The following LRRC55 variants were observed in gnomAD, a reference collection of about 807,000 sequenced individuals.
The protein encoded by LRRC55 is leucine rich repeat containing 55, also known as leucine-rich repeat-containing protein 55.
Under a neutral mutation model 20.5 loss-of-function variants are expected in LRRC55, and 11 were observed. That is an observed-to-expected ratio of 0.54 (90% CI 0.34 to 0.89). LRRC55 has a LOEUF of 0.89. LRRC55 is among the 40% of genes least tolerant of loss of function. The pLI, the probability that LRRC55 is intolerant of heterozygous loss-of-function variation, is 0.02. For missense variants in LRRC55, 358 were observed against 390.9 expected (o/e 0.92, Z 0.71); for synonymous variants, 188 against 166.6 (o/e 1.13, Z -0.99).
In LRRC55 at chr11:57,188,292, A is replaced by G. The variant is rs1454930591; in HGVS notation, c.*812A>G. ...AGGAGGCCCAGCAACTGGGGCAGCAAGAGTCCTGGCACCTTGGGATCCTAA... is the reference window on the plus strand; with the variant it reads ...AGGAGGCCCAGCAACTGGGGCAGCAGGAGTCCTGGCACCTTGGGATCCTAA... On this transcript the variant is annotated 3_prime_UTR_variant, in exon 2 of 2. Coordinates refer to ENST00000497933, the MANE Select transcript of LRRC55 (RefSeq NM_001005210.4). 3.3e-5 allele frequency: 5 copies of G among 152,700 alleles called. No homozygotes were observed. Among genetic ancestry groups the G allele is most frequent in the African/African-American group, 1.2e-4 (5 of 41,450 alleles). 9.5% of individuals were successfully genotyped at this position (152,700 alleles called of 1,614,324 possible). A position where few individuals can be genotyped will look rare whatever the true frequency, so the allele number is the denominator to read the frequency against.
At chr11:57,183,987 A>G (rs1854397110) in intron 1 of LRRC55, among the ~76,000 whole-genome samples, 2 of 152,230 alleles carry the variant, frequency 1.3e-5, no homozygotes, top group African/African-American at 4.8e-5. Context: ...CCAGAACCTG[A>G]GCTCAGCCCA....
rs1854503421 is a variant in LRRC55, at chr11:57,191,056, A to G, written c.*3576A>G. On this transcript the variant is annotated 3_prime_UTR_variant, in exon 2 of 2. Coordinates refer to ENST00000497933, the MANE Select transcript of LRRC55 (RefSeq NM_001005210.4). ...AGTTTGGTCAAGATTTGGGCCAAGA[A>G]AATTCCTTTTTAGAAGAGCCCTCAT... is the stretch of plus-strand genomic sequence containing the variant. The G allele has an allele frequency of 1.3e-5, 2 of 152,204 alleles. No individual in the cohort carries two copies. The highest frequency in any genetic ancestry group is 2.9e-5 in the Non-Finnish European group (2 of 68,032). 9.4% of individuals were successfully genotyped at this position (152,204 alleles called of 1,614,324 possible).
chr11:57,185,284 T>C (rs1278098177), intron 1 of LRRC55, among the ~76,000 whole-genome samples: 1 of 128,262 alleles, frequency 7.8e-6, no homozygotes, highest in African/African-American at 3.0e-5. Context: ...TTTTTTTTTT[T>C]TTTTTTTTTT....
chr11:57,190,682 C>G lies in LRRC55; in HGVS notation c.*3202C>G, dbSNP rs1361570830. 6.6e-6 allele frequency: 1 copy of G among 152,206 alleles called. No individual in the cohort carries two copies. Among genetic ancestry groups the G allele is most frequent in the Non-Finnish European group, 1.5e-5 (1 of 68,042 alleles). The allele number at this position is 152,206 out of a possible 1,614,324, so 9.4% of individuals were successfully genotyped here. A position where few individuals can be genotyped will look rare whatever the true frequency, so the allele number is the denominator to read the frequency against. ...GGGTTCAGTTCTCTGACATAGTCCA[C>G]TCAGCCATAGGCTGAGTGGCTAAAT... is the stretch of plus-strand genomic sequence containing the variant. On this transcript the variant is annotated 3_prime_UTR_variant, in exon 2 of 2. Coordinates refer to ENST00000497933, the MANE Select transcript of LRRC55 (RefSeq NM_001005210.4).
intron 1 of LRRC55, among the ~76,000 whole-genome samples, chr11:57,185,270 C>CTTTTTT (rs58800728): frequency 2.6e-3 from 231 of 89,386 alleles, no homozygotes; most frequent in East Asian, 3.7e-3. Context: ...CTTTTCTTTT[C>CTTTTTT]TTTTTTTTTT....
rs907780471 is a variant in LRRC55, at chr11:57,188,687, T to G, written c.*1207T>G. ...ACATGCCACTATGAGCAAGATAAAG[T>G]CTGTGCTCTTTCTACTGCCCCATCC... On this transcript the variant is annotated 3_prime_UTR_variant, in exon 2 of 2. Coordinates refer to ENST00000497933, the MANE Select transcript of LRRC55 (RefSeq NM_001005210.4). 3.9e-5 allele frequency: 6 copies of G among 152,118 alleles called. No individual in the cohort carries two copies. The highest frequency in any genetic ancestry group is 8.8e-5 in the Non-Finnish European group (6 of 68,040). 9.4% of individuals were successfully genotyped at this position (152,118 alleles called of 1,614,324 possible).
Position 57,187,526 on chromosome 11 carries a change from T to TGGCCACCAGACGCC in LRRC55, c.*47_*60dup, listed in dbSNP as rs1264172333. 1 of 1,547,766 alleles carries TGGCCACCAGACGCC rather than the reference T, an allele frequency of 6.5e-7. No individual in the cohort carries two copies. Among genetic ancestry groups the TGGCCACCAGACGCC allele is most frequent in the Non-Finnish European group, 8.8e-7 (1 of 1,132,580 alleles). On this transcript the variant is annotated 3_prime_UTR_variant, in exon 2 of 2. Coordinates refer to ENST00000497933, the MANE Select transcript of LRRC55 (RefSeq NM_001005210.4). ...CCATGCTGCTGACCGCCACAGCTGC[T>TGGCCACCAGACGCC]GGCCACCAGACGCCCTCCCTGACTG...
chr11:57,184,906 A>G (rs1193824427), intron 1 of LRRC55, among the ~76,000 whole-genome samples: 2 of 152,044 alleles, frequency 1.3e-5, no homozygotes, highest in Admixed American at 6.5e-5. Flanking sequence ...CATCTACCTA[A>G]TAGACTTTAG....
At chr11:57,184,547 C>T (rs1483626313) in intron 1 of LRRC55, among the ~76,000 whole-genome samples, 6 of 152,350 alleles carry the variant, frequency 3.9e-5, no homozygotes, top group South Asian at 2.1e-4. Context: ...CCAGGCCACA[C>T]GCACCAGGGT....
Position 57,190,259 on chromosome 11 carries a change from A to G in LRRC55, c.*2779A>G, listed in dbSNP as rs892381977. ...GACACCAAATGCCCCCTTGACATCA[A>G]TGTCCTTTCTAGTGGGACAATTTGG... is the stretch of plus-strand genomic sequence containing the variant. On this transcript the variant is annotated 3_prime_UTR_variant, in exon 2 of 2. Transcript: ENST00000497933. 3.5e-4 allele frequency: 54 copies of G among 152,214 alleles called. No homozygotes were observed. Among genetic ancestry groups the G allele is most frequent in the African/African-American group, 1.2e-3 (50 of 41,442 alleles). The allele number at this position is 152,214 out of a possible 1,614,324, so 9.4% of individuals were successfully genotyped here.
Position 57,181,979 on chromosome 11 carries a change from T to A in LRRC55, c.-44T>A. The A allele has an allele frequency of 1.9e-6, 3 of 1,614,028 alleles. No homozygotes were observed. Among genetic ancestry groups the A allele is most frequent in the Non-Finnish European group, 2.5e-6 (3 of 1,179,980 alleles). On this transcript the variant is annotated 5_prime_UTR_variant, in exon 1 of 2. Coordinates refer to ENST00000497933, the MANE Select transcript of LRRC55 (RefSeq NM_001005210.4). ...CAGACTCTCGATTCCATGGACACAG[T>A]CCTCATGGGCTCCCTCCAGCACTGC...
chr11:57,187,234 C>G lies in LRRC55; in HGVS notation c.662-11C>G. On this transcript the variant is annotated splice_polypyrimidine_tract_variant and intron_variant, in intron 1 of 1. Transcript: ENST00000497933. Reference sequence around the variant, plus strand: ...CTGGGTACCTCACCCTCCCTGGCTTCTGTGTTACAGATTCTCAGCTGGCTG... The same window carrying G: ...CTGGGTACCTCACCCTCCCTGGCTTGTGTGTTACAGATTCTCAGCTGGCTG... 1 of 1,612,034 alleles carries G rather than the reference C, an allele frequency of 6.2e-7. No homozygotes were observed. The highest frequency in any genetic ancestry group is 8.5e-7 in the Non-Finnish European group (1 of 1,179,628).
rs1431968195 is a variant in LRRC55 at position 57,189,998 on chromosome 11, T to C, written c.*2518T>C. The C allele has an allele frequency of 6.6e-6, 1 of 152,190 alleles. No homozygotes were observed. Among genetic ancestry groups the C allele is most frequent in the Non-Finnish European group, 1.5e-5 (1 of 68,060 alleles). 9.4% of individuals were successfully genotyped at this position (152,190 alleles called of 1,614,324 possible). A position where few individuals can be genotyped will look rare whatever the true frequency, so the allele number is the denominator to read the frequency against. ...CATCCGAAGCAGAACTGTGCCCTGC[T>C]CTCTCCTTCTGTGATGACCAAGGAT... On this transcript the variant is annotated 3_prime_UTR_variant, in exon 2 of 2. Transcript: ENST00000497933.
chr11:57,183,806 C>T (rs1031989247), intron 1 of LRRC55, among the ~76,000 whole-genome samples: 2 of 152,188 alleles, frequency 1.3e-5, no homozygotes, highest in Non-Finnish European at 2.9e-5. Flanking sequence ...CCTGAAGAAG[C>T]CCAAATCACA....
Position 57,190,379 on chromosome 11 carries a change from A to G in LRRC55, c.*2899A>G, listed in dbSNP as rs1409531675. ...TAGAAGTTCCTCAGTTTACTAGAGC[A>G]CAATGAGGAAAGTATTCAACCTCCC... On this transcript the variant is annotated 3_prime_UTR_variant, in exon 2 of 2. Coordinates refer to ENST00000497933, the MANE Select transcript of LRRC55 (RefSeq NM_001005210.4). 6.6e-6 allele frequency: 1 copy of G among 152,238 alleles called. No individual in the cohort carries two copies. The highest frequency in any genetic ancestry group is 1.5e-5 in the Non-Finnish European group (1 of 68,052). The allele number at this position is 152,238 out of a possible 1,614,324, so 9.4% of individuals were successfully genotyped here.
chr11:57,190,354 T>C lies in LRRC55; in HGVS notation c.*2874T>C, dbSNP rs1330341936. On this transcript the variant is annotated 3_prime_UTR_variant, in exon 2 of 2. Coordinates refer to ENST00000497933, the MANE Select transcript of LRRC55 (RefSeq NM_001005210.4). ...AAAGGACAGATGTTTCTCCTGCTGCTAGAAGTTCCTCAGTTTACTAGAGCA... is the reference window on the plus strand; with the variant it reads ...AAAGGACAGATGTTTCTCCTGCTGCCAGAAGTTCCTCAGTTTACTAGAGCA... 6.6e-6 allele frequency: 1 copy of C among 152,188 alleles called. No homozygotes were observed. Among genetic ancestry groups the C allele is most frequent in the Non-Finnish European group, 1.5e-5 (1 of 68,038 alleles). The allele number at this position is 152,188 out of a possible 1,614,324, so 9.4% of individuals were successfully genotyped here.
chr11:57,182,008 TG>T lies in LRRC55; in HGVS notation c.-14del. 6.2e-7 allele frequency: 1 copy of T among 1,614,202 alleles called. No individual in the cohort carries two copies. The highest frequency in any genetic ancestry group is 8.5e-7 in the Non-Finnish European group (1 of 1,180,030). On this transcript the variant is annotated 5_prime_UTR_variant, in exon 1 of 2. Coordinates refer to ENST00000497933, the MANE Select transcript of LRRC55 (RefSeq NM_001005210.4). ...CATGGGCTCCCTCCAGCACTGCTGT[TG>T]CCTGCTGCCTAAGATGGGTGACACT... is the stretch of plus-strand genomic sequence containing the variant.
chr11:57,191,097 C>G lies in LRRC55; in HGVS notation c.*3617C>G, dbSNP rs1854504181. ...GAGCCCTCATATCTGAATCACATCA[C>G]TTTGGGCCAGTTATCTCTGGTCACC... On this transcript the variant is annotated 3_prime_UTR_variant, in exon 2 of 2. Transcript: ENST00000497933. 2 of 152,314 alleles carry G rather than the reference C, an allele frequency of 1.3e-5. No individual in the cohort carries two copies. The highest frequency in any genetic ancestry group is 3.4e-3 in the Middle Eastern group (1 of 294). The allele number at this position is 152,314 out of a possible 1,614,324, so 9.4% of individuals were successfully genotyped here. A position where few individuals can be genotyped will look rare whatever the true frequency, so the allele number is the denominator to read the frequency against.
chr11:57,183,276 T>C (rs1447453261), intron 1 of LRRC55, among the ~76,000 whole-genome samples: 3 of 152,228 alleles, frequency 2.0e-5, no homozygotes, highest in African/African-American at 4.8e-5. Flanking sequence ...TAAATAGTAA[T>C]GACTAACACA....
Sources: allele counts gnomAD v4.1 joint callset (sites outside exome capture counted in the v4.1 genomes callset), GRCh38; gene constraint gnomAD v4.1.1; transcripts MANE v1.5; gene names NCBI Gene and HGNC (gene_info 2026-07-23, HGNC 2026-07-21).